Variants in WDR27 observed in about 807,000 individuals in gnomAD.
WDR27 encodes WD repeat domain 27.
WDR27 carries 100 observed loss-of-function variants against 114.4 expected under a neutral mutation model. That is an observed-to-expected ratio of 0.87 (90% CI 0.74 to 1.03). WDR27 has a LOEUF of 1.03. WDR27 is among the 50% of genes least tolerant of loss of function. WDR27 has a pLI of 0.00. For missense variants in WDR27, 1,129 were observed against 1,092.9 expected, an observed-to-expected ratio of 1.03 and a Z score of -0.47; for synonymous variants, 449 against 423.1, an observed-to-expected ratio of 1.06 and a Z score of -0.75.
At chr6:169,435,156 C>T in the WDR27 span, among the ~76,000 whole-genome samples, 56,688 of 152,104 alleles carry the variant, frequency 0.37, 13,287 homozygotes, top group Non-Finnish European at 0.53. Context: ...TGAGGGTGCA[C>T]AGAAGTCAAG....
Position 169,665,551 on chromosome 6 carries a change from G to C in WDR27, c.718C>G (p.Pro240Ala), listed in dbSNP as rs1473460593. The C allele has an allele frequency of 5.6e-6, 9 of 1,613,212 alleles. No homozygotes were observed. In the African/African-American group the frequency reaches 1.1e-4, roughly 19 times the overall value. The change falls in exon 7 of 26, where the codon CCT becomes GCT. Residue 240 changes from proline to alanine, a missense_variant. Physicochemically the swap from Pro to Ala is conservative, Grantham distance 27. Coordinates refer to ENST00000448612, the MANE Select transcript of WDR27 (RefSeq NM_182552.5). ...IYSSSVLSAY[P>A]LLSLFIDAES... ...GCATCAATGAATAAACTGAGAAGAG[G>C]ATATGCTGGTGAAAGGAACATCGGA...
At chr6:169,570,817 G>A (rs550813543) in intron 25 of WDR27, among the ~76,000 whole-genome samples, 16 of 152,018 alleles carry the variant, frequency 1.1e-4, no homozygotes, top group East Asian at 1.9e-4. Flanking sequence ...CCACAAGAGC[G>A]AAATTCCGTT....
chr6:169,652,155 G>A (rs2128245079), intron 13 of WDR27, 147 bp from the exon 14 acceptor site: 1 of 679,998 alleles, frequency 1.5e-6, no homozygotes, highest in Middle Eastern at 3.1e-4. Context: ...TTTCATATCT[G>A]AAGTCACACC....
rs1422085848 is a variant in WDR27, at chr6:169,670,567, AC to A, written c.456+1del. 9 of 1,613,948 alleles carry A rather than the reference AC, an allele frequency of 5.6e-6. No individual in the cohort carries two copies. Among genetic ancestry groups the A allele is most frequent in the Non-Finnish European group, 7.6e-6 (9 of 1,179,870 alleles). The stretch of plus-strand genomic sequence containing the variant: ...TGAAATCCACGTGAATTTCAATCTT[AC>A]CTCAATATCCAGCATGAATATTTTG... On this transcript the variant is annotated splice_donor_variant, in intron 4 of 25. Coordinates refer to ENST00000448612, the MANE Select transcript of WDR27 (RefSeq NM_182552.5). LOFTEE classifies it high-confidence loss of function.
intron 25 of WDR27, among the ~76,000 whole-genome samples, chr6:169,464,427 A>G (rs1785286057): frequency 6.6e-6 from 1 of 152,222 alleles, no homozygotes. Flanking sequence ...AAATAATAAA[A>G]TTTTAGAATA....
rs770165055 is a variant in WDR27 at position 169,646,477 on chromosome 6, C to T, written c.1657+1296G>A. Among the ~76,000 whole-genome samples the T allele has an allele frequency of 7.2e-5, 11 of 152,074 alleles. No homozygotes were observed. The East Asian group carries it at 1.9e-3, about 27-fold the overall frequency. On this transcript the variant is annotated intron_variant, in intron 16 of 25. Transcript: ENST00000448612. The stretch of plus-strand genomic sequence containing the variant: ...AAATAAATGATAGAGCTGGGCGCAG[C>T]GGCTCACACCTGTAATCCCAGCACT...
chr6:169,469,703 A>G (rs991956236), intron 25 of WDR27, among the ~76,000 whole-genome samples: 1 of 151,966 alleles, frequency 6.6e-6, no homozygotes, highest in Non-Finnish European at 1.5e-5. Flanking sequence ...AAAGAGCCCT[A>G]CAGTTCTGTT....
intron 25 of WDR27, among the ~76,000 whole-genome samples, chr6:169,522,162 C>T (rs536937175): frequency 6.6e-6 from 1 of 151,766 alleles, no homozygotes; most frequent in African/African-American, 2.4e-5. Context: ...AACTAGCAAC[C>T]AAAAAAGGTC....
In WDR27 at chr6:169,643,730, C is replaced by T. The variant is rs1257127118; in HGVS notation, c.1714G>A (p.Ala572Thr). The part of the protein sequence containing the change: ...LANHLLLVFD[A>T]SLTGTPAVFS... ...ACAGCAGGTGTCCCAGTCAGGCTGGCATCAAAAACGAGTAACAGATGGTTG... is the reference window on the plus strand; with the variant it reads ...ACAGCAGGTGTCCCAGTCAGGCTGGTATCAAAAACGAGTAACAGATGGTTG... The change falls in exon 17 of 26, where the codon GCC becomes ACC. Residue 572 changes from alanine (A) to threonine (T), a missense_variant. By Grantham distance (58) the Ala-to-Thr change is moderately conservative. Transcript: ENST00000448612. 6.2e-7 allele frequency: 1 copy of T among 1,613,688 alleles called. No individual in the cohort carries two copies. The highest frequency in any genetic ancestry group is 1.1e-5 in the South Asian group (1 of 91,050).
intron 3 of WDR27, 50 bp from the exon 4 acceptor site, chr6:169,670,743 T>C (rs372083438): frequency 6.2e-7 from 1 of 1,602,044 alleles, no homozygotes; most frequent in African/African-American, 1.3e-5. Context: ...CATTCAGCAT[T>C]ACATTAATCT....
At chr6:169,476,790 C>A (rs1205727847) in intron 25 of WDR27, among the ~76,000 whole-genome samples, 1 of 152,184 alleles carries the variant, frequency 6.6e-6, no homozygotes, top group East Asian at 1.9e-4. Context: ...CTAGATACTG[C>A]ATGCAGTGAC....
intron 25 of WDR27, among the ~76,000 whole-genome samples, chr6:169,491,584 G>A (rs1467351343): frequency 6.6e-6 from 1 of 152,084 alleles, no homozygotes; most frequent in Non-Finnish European, 1.5e-5. Context: ...CAGAAAAGGA[G>A]CAGAAACACA....
At chr6:169,565,869 C>T (rs1193319113) in intron 25 of WDR27, among the ~76,000 whole-genome samples, 1 of 152,186 alleles carries the variant, frequency 6.6e-6, no homozygotes, top group African/African-American at 2.4e-5. Flanking sequence ...AGACTGCTCT[C>T]CTGGGCTCAA....
chr6:169,575,703 A>C (rs544070063), intron 24 of WDR27, among the ~76,000 whole-genome samples: 1 of 152,304 alleles, frequency 6.6e-6, no homozygotes, highest in African/African-American at 2.4e-5. Context: ...TAAAATAAAA[A>C]TTTCAAATCA....
At chr6:169,453,050 C>A (rs1206466033), downstream of WDR27, among the ~76,000 whole-genome samples, 1 of 152,342 alleles carries the variant, frequency 6.6e-6, no homozygotes, top group East Asian at 1.9e-4. Flanking sequence ...AGGGCACGGC[C>A]CCCAGGCCTA....
At chr6:169,447,418 T>C in the WDR27 span, among the ~76,000 whole-genome samples, 2 of 152,336 alleles carry the variant, frequency 1.3e-5, no homozygotes, top group South Asian at 4.1e-4. Flanking sequence ...TAGTGGGAAA[T>C]CTCTGGGTGG....
chr6:169,551,202 T>C (rs1798049504), intron 25 of WDR27, among the ~76,000 whole-genome samples: 1 of 152,188 alleles, frequency 6.6e-6, no homozygotes, highest in African/African-American at 2.4e-5. Context: ...TTCAGTTGGA[T>C]GAAACTACTA....
chr6:169,436,781 T>G, the WDR27 span, among the ~76,000 whole-genome samples: 1 of 152,118 alleles, frequency 6.6e-6, no homozygotes, highest in East Asian at 1.9e-4. Flanking sequence ...TAATGTTTCT[T>G]TATTTTTGCC....
In WDR27 at chr6:169,667,975, C is replaced by T; in HGVS notation, c.660+7G>A. 6.2e-7 allele frequency: 1 copy of T among 1,610,964 alleles called. No homozygotes were observed. ...CGCGGGAACGCCATCCAGCGTCCATCCCTCACCTTAAAGCCTCTGTCCTCA... is the reference window on the plus strand; with the variant it reads ...CGCGGGAACGCCATCCAGCGTCCATTCCTCACCTTAAAGCCTCTGTCCTCA... On this transcript the variant is annotated splice_region_variant and intron_variant, in intron 5 of 25. Coordinates refer to ENST00000448612, the MANE Select transcript of WDR27 (RefSeq NM_182552.5).
Sources: gnomAD v4.1 joint callset for allele counts (sites outside exome capture counted in the v4.1 genomes callset) on GRCh38, gnomAD v4.1.1 for gene constraint, MANE v1.5 for transcripts, NCBI Gene and HGNC (gene_info 2026-07-23, HGNC 2026-07-21) for gene names.